MYH11: variants seen among roughly 807,000 people sequenced by gnomAD.
MYH11 encodes myosin-11.
MYH11 carries 80 observed loss-of-function variants against 246.6 expected under a neutral mutation model. The observed-to-expected ratio is 0.32, with a 90% CI of 0.27 to 0.39. The LOEUF (loss-of-function observed/expected upper bound fraction) is 0.39, where lower values mean the gene tolerates loss of function less well. Among genes scored for constraint, MYH11 ranks in the 10% least tolerant of loss-of-function variants. The probability of loss-of-function intolerance (pLI) is 1.00; values close to 1 mark genes in which losing one functional copy is unlikely to be tolerated. For missense variants in MYH11, 2,158 were observed against 2,546.8 expected, an observed-to-expected ratio of 0.85 and a Z score of 3.29; for synonymous variants, 1,071 against 1,015.5, an observed-to-expected ratio of 1.05 and a Z score of -1.04.
At chr16:15,709,470 G>A (rs1388906638) in intron 40 of MYH11, among the ~76,000 whole-genome samples, 6 of 151,984 alleles carry the variant, frequency 3.9e-5, no homozygotes, top group African/African-American at 9.7e-5. Context: ...ATGCACCACC[G>A]TGGCTGGCTA....
intron 19 of MYH11, among the ~76,000 whole-genome samples, chr16:15,745,582 C>CTTTTT (rs71981525): frequency 2.9e-4 from 27 of 94,360 alleles, no homozygotes; most frequent in South Asian, 8.3e-4. Context: ...TTCTTTCTTT[C>CTTTTT]TTTTTTTTTT....
Position 15,741,934 on chromosome 16 carries a change from G to A in MYH11, c.2521-43C>T, listed in dbSNP as rs769274433. ...GCCCATCATTTGTTTTTGTGGCAAAGGGATATGTTGTCATAATAAATTCGA... is the reference window on the plus strand; with the variant it reads ...GCCCATCATTTGTTTTTGTGGCAAAAGGATATGTTGTCATAATAAATTCGA... On this transcript the variant is annotated intron_variant, in intron 20 of 40. Coordinates refer to ENST00000300036, the MANE Select transcript of MYH11 (RefSeq NM_002474.3). 567 of 1,612,942 alleles carry A rather than the reference G, an allele frequency of 3.5e-4. 1 individual carries two copies. The highest frequency in any genetic ancestry group is 4.4e-4 in the Non-Finnish European group (517 of 1,179,636).
intron 4 of MYH11, among the ~76,000 whole-genome samples, chr16:15,794,573 A>G (rs959768726): frequency 6.6e-6 from 1 of 152,246 alleles, no homozygotes; most frequent in African/African-American, 2.4e-5. Context: ...AGATGGAGAT[A>G]CACAATAGCC....
chr16:15,779,098 C>T (rs1368395029), intron 6 of MYH11: 4 of 602,406 alleles, frequency 6.6e-6, no homozygotes, highest in African/African-American at 1.8e-5. Context: ...TTGCAATGAC[C>T]GTAGTCCATC....
In MYH11 at chr16:15,732,745, G is replaced by A. The variant is rs1187565297; in HGVS notation, c.3507-37C>T. ...GAACACAGTGAATGGCAGTTGGGTGGAGACAGAGGGTCATCTCAGTGCCGT... is the reference window on the plus strand; with the variant it reads ...GAACACAGTGAATGGCAGTTGGGTGAAGACAGAGGGTCATCTCAGTGCCGT... On this transcript the variant is annotated intron_variant, in intron 26 of 40. Transcript: ENST00000300036. 8 of 1,613,398 alleles carry A rather than the reference G, an allele frequency of 5.0e-6. No individual in the cohort carries two copies. In the South Asian group the frequency reaches 6.6e-5, roughly 13 times the overall value.
chr16:15,846,447 C>T (rs1338517491), intron 1 of MYH11, among the ~76,000 whole-genome samples: 2 of 152,132 alleles, frequency 1.3e-5, no homozygotes, highest in African/African-American at 4.8e-5. Context: ...GAATGAGTCT[C>T]CGGTGTGCAA....
At chr16:15,801,968 A>C (rs2042897924) in intron 3 of MYH11, among the ~76,000 whole-genome samples, 1 of 150,850 alleles carries the variant, frequency 6.6e-6, no homozygotes. Flanking sequence ...AAAACAAAAC[A>C]AACAAAAAAA....
In MYH11 at chr16:15,820,488, A is replaced by G. The variant is rs545218200; in HGVS notation, c.502+2767T>C. On this transcript the variant is annotated intron_variant, in intron 3 of 40. Transcript: ENST00000300036. ...AAACTCCATCCGGAAAAAAAAAAAA[A>G]AAAAGAAAGAAAGAAAGACAAAAGA... 5.3e-5 allele frequency among the ~76,000 whole-genome samples: 8 copies of G among 151,854 alleles called. No homozygotes were observed. The East Asian group carries it at 9.7e-4, about 18-fold the overall frequency.
At chr16:15,786,758 T>C in intron 4 of MYH11, 26 bp from the exon 5 acceptor site, 5 of 1,594,714 alleles carry the variant, frequency 3.1e-6, no homozygotes, top group South Asian at 1.1e-5. Flanking sequence ...ACATCATCTA[T>C]GCACACGTTC....
At chr16:15,799,681 C>T (rs139020593) in intron 3 of MYH11, among the ~76,000 whole-genome samples, 33 of 152,330 alleles carry the variant, frequency 2.2e-4, no homozygotes, top group Admixed American at 5.9e-4. Flanking sequence ...GTTACCAATA[C>T]GTTCAATGGT....
intron 6 of MYH11, among the ~76,000 whole-genome samples, chr16:15,781,555 C>G (rs2042354040): frequency 6.6e-6 from 1 of 152,182 alleles, no homozygotes; most frequent in Non-Finnish European, 1.5e-5. Flanking sequence ...CTTTCTGACC[C>G]TCCTACGGAG....
chr16:15,715,821 T>A (rs2040098635), intron 38 of MYH11, among the ~76,000 whole-genome samples: 1 of 151,968 alleles, frequency 6.6e-6, no homozygotes, highest in Non-Finnish European at 1.5e-5. Context: ...CTTTTAAAAG[T>A]TTTTCATAGA....
At chr16:15,770,562 C>T (rs2042077933) in intron 9 of MYH11, among the ~76,000 whole-genome samples, 1 of 152,146 alleles carries the variant, frequency 6.6e-6, no homozygotes, top group Non-Finnish European at 1.5e-5. Flanking sequence ...ATCACCAGAG[C>T]AACCCCTCCA....
intron 4 of MYH11, among the ~76,000 whole-genome samples, chr16:15,792,903 A>T (rs1260446292): frequency 6.6e-6 from 1 of 151,976 alleles, no homozygotes; most frequent in Non-Finnish European, 1.5e-5. Context: ...ACGCTCAGCT[A>T]ATTTTTGTTT....
intron 1 of MYH11, among the ~76,000 whole-genome samples, chr16:15,838,591 G>A (rs1010256364): frequency 2.0e-5 from 3 of 152,152 alleles, no homozygotes; most frequent in African/African-American, 7.2e-5. Context: ...TGGACAAGGT[G>A]GCTCACACCT....
At chr16:15,751,116 A>AGGT (rs1211311937) in intron 15 of MYH11, among the ~76,000 whole-genome samples, 1 of 134,014 alleles carries the variant, frequency 7.5e-6, no homozygotes, top group Non-Finnish European at 1.6e-5. Context: ...AACAAAAAGT[A>AGGT]GGTATTATTA....
chr16:15,717,209 AACTTGG>A lies in MYH11; in HGVS notation c.5429_5434del (p.Ser1810_Lys1811del), dbSNP rs1567687659. 1 of 1,614,134 alleles carries A rather than the reference AACTTGG, an allele frequency of 6.2e-7. No individual in the cohort carries two copies. Among genetic ancestry groups the A allele is most frequent in the Admixed American group, 1.7e-5 (1 of 60,004 alleles). ...CTCCAGCGCCGCGATGGTGGACTTGAACTTGGACTTGACGGCCCCCTCCATCTCGTG... is the reference window on the plus strand; with the variant it reads ...CTCCAGCGCCGCGATGGTGGACTTGAACTTGACGGCCCCCTCCATCTCGTG... On this transcript the variant is annotated inframe_deletion, in exon 38 of 41. Coordinates refer to ENST00000300036, the MANE Select transcript of MYH11 (RefSeq NM_002474.3).
At chr16:15,797,044 G>C (rs990483870) in intron 4 of MYH11, among the ~76,000 whole-genome samples, 5 of 152,090 alleles carry the variant, frequency 3.3e-5, no homozygotes, top group Non-Finnish European at 5.9e-5. Flanking sequence ...AGTTATTCTG[G>C]TTAGATAAAT....
chr16:15,824,267 G>A (rs1050182703), intron 2 of MYH11, among the ~76,000 whole-genome samples: 2 of 150,658 alleles, frequency 1.3e-5, no homozygotes, highest in Non-Finnish European at 2.9e-5. Context: ...AAGAACAGAA[G>A]AGAATGTTGT....
Sources: gnomAD v4.1 joint callset for allele counts (sites outside exome capture counted in the v4.1 genomes callset) on GRCh38, gnomAD v4.1.1 for gene constraint, MANE v1.5 for transcripts, NCBI Gene and HGNC (gene_info 2026-07-23, HGNC 2026-07-21) for gene names.